The following ADAMTS12 variants were observed in gnomAD, a reference collection of about 807,000 sequenced individuals.
ADAMTS12 encodes ADAM metallopeptidase with thrombospondin type 1 motif 12, also known as A disintegrin and metalloproteinase with thrombospondin motifs 12.
A neutral mutation model predicts 167.8 loss-of-function variants in ADAMTS12; 118 were observed. That is an observed-to-expected ratio of 0.70 (90% CI 0.61 to 0.82). The LOEUF is 0.82. Ranked by LOEUF, ADAMTS12 falls within the 40% of genes least tolerant of loss-of-function variation. The pLI is 0.00. For missense variants in ADAMTS12, 1,916 were observed against 1,998.8 expected (o/e 0.96, Z 0.79); for synonymous variants, 704 against 716.9 (o/e 0.98, Z 0.29).
rs563207112 is a variant in ADAMTS12, at chr5:33,692,000, A to T, written c.635-7945T>A. On this transcript the variant is annotated intron_variant, in intron 3 of 23. Coordinates refer to ENST00000504830, the MANE Select transcript of ADAMTS12 (RefSeq NM_030955.4). ...CAGGCCCTTCTCTGTTGTTTGCATCAAGTCCTTAAAACTTACCAGGTCAAA... is the reference window on the plus strand; with the variant it reads ...CAGGCCCTTCTCTGTTGTTTGCATCTAGTCCTTAAAACTTACCAGGTCAAA... 3.9e-5 allele frequency among the ~76,000 whole-genome samples: 6 copies of T among 152,342 alleles called. No homozygotes were observed. The East Asian group carries it at 1.2e-3, about 29-fold the overall frequency.
intron 2 of ADAMTS12, among the ~76,000 whole-genome samples, chr5:33,879,878 G>A (rs1487174885): frequency 6.6e-6 from 1 of 152,194 alleles, no homozygotes; most frequent in Non-Finnish European, 1.5e-5. Flanking sequence ...CAGTAACAAT[G>A]GGAGGATTTG....
intron 2 of ADAMTS12, among the ~76,000 whole-genome samples, chr5:33,786,861 A>G (rs1281183022): frequency 4.6e-5 from 7 of 150,600 alleles, no homozygotes; most frequent in Admixed American, 3.3e-4. Flanking sequence ...TCCCAATCCT[A>G]ATAAATTAAA....
At chr5:33,570,247 A>G (rs1286317679) in intron 19 of ADAMTS12, among the ~76,000 whole-genome samples, 2 of 152,152 alleles carry the variant, frequency 1.3e-5, no homozygotes, top group Admixed American at 6.5e-5. Context: ...TACAGAGAAC[A>G]CCACAAAGAT....
chr5:33,572,836 A>G (rs1093820), intron 19 of ADAMTS12, among the ~76,000 whole-genome samples: 7 of 121,648 alleles, frequency 5.8e-5, no homozygotes, highest in South Asian at 2.9e-4. Context: ...ACATGATTGT[A>G]TATCTAGAAA....
chr5:33,677,925 T>G (rs1439388507), intron 5 of ADAMTS12, among the ~76,000 whole-genome samples: 1 of 152,200 alleles, frequency 6.6e-6, no homozygotes, highest in Non-Finnish European at 1.5e-5. Context: ...AACCCCATAG[T>G]GGTCTTTAGA....
chr5:33,559,738 T>C (rs1745647159), intron 20 of ADAMTS12, among the ~76,000 whole-genome samples: 1 of 151,872 alleles, frequency 6.6e-6, no homozygotes, highest in African/African-American at 2.4e-5. Flanking sequence ...AAAATCAGCC[T>C]GGTATGGTGG....
intron 3 of ADAMTS12, among the ~76,000 whole-genome samples, chr5:33,698,719 C>T (rs979739632): frequency 6.6e-6 from 1 of 152,172 alleles, no homozygotes; most frequent in African/African-American, 2.4e-5. Flanking sequence ...GGGCGGATCA[C>T]CTGAGGTCAG....
intron 3 of ADAMTS12, among the ~76,000 whole-genome samples, chr5:33,713,351 C>T (rs1743475960): frequency 6.6e-6 from 1 of 152,086 alleles, no homozygotes; most frequent in Admixed American, 6.6e-5. Flanking sequence ...TAAACAGAAA[C>T]CACCAACATA....
At chr5:33,560,190 A>T (rs1366836529) in intron 20 of ADAMTS12, among the ~76,000 whole-genome samples, 3 of 152,254 alleles carry the variant, frequency 2.0e-5, no homozygotes, top group Non-Finnish European at 4.4e-5. Context: ...CATGTGGGTT[A>T]ATAAAAACTC....
At chr5:33,528,310 G>A (rs1743919585) in intron 23 of ADAMTS12, among the ~76,000 whole-genome samples, 1 of 152,018 alleles carries the variant, frequency 6.6e-6, no homozygotes, top group Non-Finnish European at 1.5e-5. Context: ...CTACATATTG[G>A]GTATAGTATA....
chr5:33,821,128 AAAT>A (rs776636846), intron 2 of ADAMTS12, among the ~76,000 whole-genome samples: 1 of 152,196 alleles, frequency 6.6e-6, no homozygotes, highest in Non-Finnish European at 1.5e-5. Flanking sequence ...CTAAAAGTTA[AAAT>A]AATAACAATC....
Position 33,889,179 on chromosome 5 carries a change from TG to T in ADAMTS12, c.127+2550del, listed in dbSNP as rs750799390. On this transcript the variant is annotated intron_variant, in intron 1 of 23. Transcript: ENST00000504830. ...AAGTAAAAATGGGGGCGAGGCATGA[TG>T]GCTCATTCCTGTAATCGCAGCATTT... is the stretch of plus-strand genomic sequence containing the variant. 3.9e-5 allele frequency among the ~76,000 whole-genome samples: 6 copies of T among 152,286 alleles called. No individual in the cohort carries two copies. The East Asian group carries it at 9.6e-4, about 24-fold the overall frequency.
chr5:33,688,563 C>T (rs1352474237), intron 3 of ADAMTS12, among the ~76,000 whole-genome samples: 2 of 152,210 alleles, frequency 1.3e-5, no homozygotes, highest in South Asian at 2.1e-4. Flanking sequence ...GCAGAGCCCT[C>T]ACCTGCTGAT....
At chr5:33,703,933 C>T (rs930000189) in intron 3 of ADAMTS12, among the ~76,000 whole-genome samples, 3 of 152,198 alleles carry the variant, frequency 2.0e-5, no homozygotes, top group Admixed American at 2.0e-4. Flanking sequence ...AATCCCCAGA[C>T]AGGCCAGTTT....
At chr5:33,582,804 C>T (rs575881676) in intron 18 of ADAMTS12, among the ~76,000 whole-genome samples, 4 of 152,206 alleles carry the variant, frequency 2.6e-5, no homozygotes, top group Admixed American at 6.5e-5. Context: ...GTAACTTTTG[C>T]TATAAAAAAC....
intron 2 of ADAMTS12, among the ~76,000 whole-genome samples, chr5:33,859,077 G>T (rs1045190514): frequency 7.9e-5 from 12 of 151,966 alleles, no homozygotes; most frequent in Non-Finnish European, 1.6e-4. Flanking sequence ...GCGCAAAACT[G>T]GGTGGCGGTT....
intron 2 of ADAMTS12, among the ~76,000 whole-genome samples, chr5:33,757,640 C>T (rs769602063): frequency 6.6e-6 from 1 of 152,166 alleles, no homozygotes; most frequent in Non-Finnish European, 1.5e-5. Context: ...AAAATAATCC[C>T]TTTGTTGGAA....
chr5:33,574,580 C>A (rs1181598286), intron 19 of ADAMTS12, among the ~76,000 whole-genome samples: 24 of 130,774 alleles, frequency 1.8e-4, no homozygotes, highest in Non-Finnish European at 1.4e-4. Context: ...GGGAACATCA[C>A]ACTCTGGGGA....
intron 11 of ADAMTS12, among the ~76,000 whole-genome samples, chr5:33,640,647 G>A (rs1379296722): frequency 6.6e-6 from 1 of 152,030 alleles, no homozygotes; most frequent in Non-Finnish European, 1.5e-5. Flanking sequence ...ATCAAAGGGT[G>A]AAATTTTAAA....
Sources: allele counts gnomAD v4.1 joint callset (sites outside exome capture counted in the v4.1 genomes callset), GRCh38; gene constraint gnomAD v4.1.1; transcripts MANE v1.5; gene names NCBI Gene and HGNC (gene_info 2026-07-23, HGNC 2026-07-21).